NRXN1: variants seen among roughly 807,000 people sequenced by gnomAD.
NRXN1 encodes neurexin-1.
A neutral mutation model predicts 150.9 loss-of-function variants in NRXN1; 39 were observed. The observed-to-expected ratio is 0.26, with a 90% CI of 0.20 to 0.34. The LOEUF (loss-of-function observed/expected upper bound fraction) is 0.34. Ranked by LOEUF, NRXN1 falls within the 10% of genes least tolerant of loss-of-function variation. The pLI, the probability that NRXN1 is intolerant of heterozygous loss-of-function variation, is 1.00. For missense variants in NRXN1, 1,815 were observed against 1,949.9 expected, an observed-to-expected ratio of 0.93 and a Z score of 1.30; for synonymous variants, 924 against 757.0, an observed-to-expected ratio of 1.22 and a Z score of -3.62.
chr2:51,001,038 G>C (rs901377699), intron 2 of NRXN1, among the ~76,000 whole-genome samples: 1 of 151,976 alleles, frequency 6.6e-6, no homozygotes, highest in Non-Finnish European at 1.5e-5. Context: ...AAAGAACATA[G>C]GAAAGTGTGG....
chr2:49,924,433 A>G (rs574638438), intron 22 of NRXN1, among the ~76,000 whole-genome samples: 2 of 152,294 alleles, frequency 1.3e-5, no homozygotes, highest in East Asian at 3.9e-4. Context: ...AGGAATTGAT[A>G]TCGTAAATGG....
chr2:50,081,276 C>G lies in NRXN1; in HGVS notation c.3718+10047G>C, dbSNP rs191369988. Reference sequence around the variant, plus strand: ...CATTTGTTTATTAGAAGTTAAGTGACATTAAAACCAACTTATTCCTGGCCA... The same window carrying G: ...CATTTGTTTATTAGAAGTTAAGTGAGATTAAAACCAACTTATTCCTGGCCA... On this transcript the variant is annotated intron_variant, in intron 19 of 22. Transcript: ENST00000401669. Among the ~76,000 whole-genome samples the G allele has an allele frequency of 1.1e-4, 17 of 152,274 alleles. No homozygotes were observed. In the East Asian group the frequency reaches 3.3e-3, roughly 29 times the overall value.
chr2:50,210,739 G>C (rs931265693), intron 18 of NRXN1, among the ~76,000 whole-genome samples: 4 of 151,386 alleles, frequency 2.6e-5, no homozygotes, highest in African/African-American at 9.7e-5. Context: ...TAAAGCAGTA[G>C]TAGAAAATAG....
At chr2:50,836,606 T>C (rs988743764) in intron 5 of NRXN1, among the ~76,000 whole-genome samples, 1 of 152,090 alleles carries the variant, frequency 6.6e-6, no homozygotes, top group Non-Finnish European at 1.5e-5. Flanking sequence ...TCACTTAGCA[T>C]AGTGTCCCCC....
chr2:50,346,568 C>A lies in NRXN1; in HGVS notation c.3365-109598G>T, dbSNP rs2077990814. ...GATAAGTGGCTCGCACCAAGCACAC[C>A]CAAATGCACCTCCCTTTTGTCGAGC... On this transcript the variant is annotated intron_variant, in intron 17 of 22. Coordinates refer to ENST00000401669, the MANE Select transcript of NRXN1 (RefSeq NM_001330078.2). The surrounding 1 kb of genome is among the most constrained non-coding windows in gnomAD (Gnocchi z 5.0). 1.9e-6 allele frequency: 2 copies of A among 1,049,442 alleles called. No homozygotes were observed. Among genetic ancestry groups the A allele is most frequent in the Non-Finnish European group, 2.9e-6 (2 of 694,304 alleles). The allele number at this position is 1,049,442 out of a possible 1,614,324, so 65.0% of individuals were successfully genotyped here.
chr2:50,385,375 G>A (rs535470139), intron 17 of NRXN1, among the ~76,000 whole-genome samples: 1 of 152,282 alleles, frequency 6.6e-6, no homozygotes, highest in East Asian at 1.9e-4. Flanking sequence ...ATAGATCACA[G>A]CATAGTTAAC....
intron 5 of NRXN1, among the ~76,000 whole-genome samples, chr2:50,851,877 G>T (rs75793857): frequency 1.3e-5 from 2 of 152,074 alleles, no homozygotes; most frequent in Non-Finnish European, 2.9e-5. Context: ...TTTGCTAATG[G>T]TAACATAAAT....
intron 8 of NRXN1, among the ~76,000 whole-genome samples, chr2:50,584,174 T>C (rs763776488): frequency 3.3e-5 from 5 of 152,164 alleles, no homozygotes; most frequent in Admixed American, 1.3e-4. Context: ...GAGAAATAAT[T>C]TCACCATAAA....
intron 19 of NRXN1, among the ~76,000 whole-genome samples, chr2:50,078,840 G>T (rs1171714722): frequency 1.3e-5 from 2 of 152,040 alleles, no homozygotes; most frequent in Non-Finnish European, 2.9e-5. Context: ...AAGGTGATCT[G>T]CTGAGTTTTT....
At chr2:50,693,261 T>C (rs1052123948) in intron 5 of NRXN1, among the ~76,000 whole-genome samples, 2 of 152,176 alleles carry the variant, frequency 1.3e-5, no homozygotes, top group African/African-American at 4.8e-5. Context: ...AACAGAGTGC[T>C]TAATGCCAAT....
intron 5 of NRXN1, among the ~76,000 whole-genome samples, chr2:50,740,992 T>C (rs1333231650): frequency 6.6e-6 from 1 of 152,116 alleles, no homozygotes; most frequent in Non-Finnish European, 1.5e-5. Context: ...CCAGTGCAAA[T>C]TAACTCCTAC....
chr2:50,403,766 T>A (rs1229519288), intron 17 of NRXN1, among the ~76,000 whole-genome samples: 2 of 152,138 alleles, frequency 1.3e-5, no homozygotes, highest in African/African-American at 4.8e-5. Flanking sequence ...GCCCTTAGTA[T>A]CTGTGTTGAT....
Position 50,278,255 on chromosome 2 carries a change from T to A in NRXN1, c.3365-41285A>T, listed in dbSNP as rs539399648. On this transcript the variant is annotated intron_variant, in intron 17 of 22. Transcript: ENST00000401669. ...TATATATATATAATATATATATATA[T>A]TATATATATTATATATGTATTATAT... Among the ~76,000 whole-genome samples the A allele has an allele frequency of 2.8e-4, 31 of 112,548 alleles. No individual in the cohort carries two copies. The South Asian group carries it at 4.7e-3, about 17-fold the overall frequency. 73.8% of individuals were successfully genotyped at this position (112,548 alleles called of 152,430 possible). A position where few individuals can be genotyped will look rare whatever the true frequency, so the allele number is the denominator to read the frequency against.
intron 18 of NRXN1, among the ~76,000 whole-genome samples, chr2:50,134,442 T>C (rs924064662): frequency 6.6e-6 from 1 of 152,162 alleles, no homozygotes; most frequent in East Asian, 1.9e-4. Context: ...TGTCTTGGCA[T>C]GCAATGGGTC....
chr2:50,702,534 T>C (rs1297696492), intron 5 of NRXN1, among the ~76,000 whole-genome samples: 1 of 146,522 alleles, frequency 6.8e-6, no homozygotes, highest in African/African-American at 2.6e-5. Flanking sequence ...TGTATGCACA[T>C]AAATGTATTC....
intron 17 of NRXN1, among the ~76,000 whole-genome samples, chr2:50,408,079 C>A (rs1335008930): frequency 6.6e-6 from 1 of 152,098 alleles, no homozygotes; most frequent in African/African-American, 2.4e-5. Context: ...TGTATAGTAT[C>A]TATATGCCCA....
At chr2:49,934,854 G>A (rs1670750589) in intron 22 of NRXN1, among the ~76,000 whole-genome samples, 1 of 152,098 alleles carries the variant, frequency 6.6e-6, no homozygotes, top group Admixed American at 6.5e-5. Flanking sequence ...AAAGTAAGAA[G>A]AGCAGATGAT....
intron 2 of NRXN1, among the ~76,000 whole-genome samples, chr2:50,935,634 G>A (rs1056420405): frequency 2.0e-5 from 3 of 152,178 alleles, no homozygotes; most frequent in Non-Finnish European, 2.9e-5. Context: ...GGCTGAGGCC[G>A]GATAATCACT....
chr2:50,358,674 C>T (rs905963334), intron 17 of NRXN1, among the ~76,000 whole-genome samples: 1 of 152,238 alleles, frequency 6.6e-6, no homozygotes, highest in South Asian at 2.1e-4. Context: ...CTTACCCACT[C>T]CTGCCTGCTG....
Sources: allele counts gnomAD v4.1 joint callset (sites outside exome capture counted in the v4.1 genomes callset), GRCh38; gene constraint gnomAD v4.1.1; non-coding constraint Gnocchi (gnomAD v3.1); transcripts MANE v1.5; gene names NCBI Gene and HGNC (gene_info 2026-07-23, HGNC 2026-07-21).